MYO1E: variants seen among roughly 807,000 people sequenced by gnomAD.
MYO1E encodes the protein unconventional myosin-Ie.
A neutral mutation model predicts 151.1 loss-of-function variants in MYO1E; 68 were observed. That is an observed-to-expected ratio of 0.45 (90% CI 0.37 to 0.55). The LOEUF is 0.55. Ranked by LOEUF, MYO1E falls within the 20% of genes least tolerant of loss-of-function variation. MYO1E has a pLI of 0.00. For missense variants in MYO1E, 1,363 were observed against 1,389.3 expected, an observed-to-expected ratio of 0.98 and a Z score of 0.30; for synonymous variants, 601 against 501.7, an observed-to-expected ratio of 1.20 and a Z score of -2.64.
At chr15:59,149,531 C>T (rs368140104) in intron 26 of MYO1E, among the ~76,000 whole-genome samples, 3 of 152,202 alleles carry the variant, frequency 2.0e-5, no homozygotes, top group African/African-American at 7.2e-5. Flanking sequence ...CTACCATGTG[C>T]ACCAATACTG....
At chr15:59,201,590 G>T (rs867288306) in intron 16 of MYO1E, among the ~76,000 whole-genome samples, 1 of 152,038 alleles carries the variant, frequency 6.6e-6, no homozygotes, top group Non-Finnish European at 1.5e-5. Flanking sequence ...TTTTAGTAGA[G>T]ACAGGGTTTC....
At chr15:59,256,098 A>C (rs1261381484) in intron 4 of MYO1E, among the ~76,000 whole-genome samples, 186 bp downstream of exon 4, 1 of 152,216 alleles carries the variant, frequency 6.6e-6, no homozygotes, top group Non-Finnish European at 1.5e-5. Context: ...GTTTTATGAT[A>C]TGGAGCTCTA....
chr15:59,206,894 C>G (rs1433719939), intron 14 of MYO1E: 1 of 1,568,998 alleles, frequency 6.4e-7, no homozygotes, highest in South Asian at 1.2e-5. Context: ...ACGTTCGGAT[C>G]AGCAGCTTTT....
Position 59,319,550 on chromosome 15 carries a change from CTTTTTTTTTTTT to C in MYO1E, c.4-47113_4-47102del, listed in dbSNP as rs59491381. 6.3e-4 allele frequency among the ~76,000 whole-genome samples: 40 copies of C among 63,724 alleles called. 1 individual carries two copies. The highest frequency in any genetic ancestry group is 1.2e-3 in the African/African-American group (28 of 22,412). The allele number at this position is 63,724 out of a possible 152,430, so 41.8% of individuals were successfully genotyped here. A position where few individuals can be genotyped will look rare whatever the true frequency, so the allele number is the denominator to read the frequency against. ...AAGATAGGAAAAGAAGTCAAACTACCTTTTTTTTTTTTTTTTTTTTTTTTTTTTTTTGGCTGA... is the reference window on the plus strand; with the variant it reads ...AAGATAGGAAAAGAAGTCAAACTACCTTTTTTTTTTTTTTTTTTTGGCTGA... On this transcript the variant is annotated intron_variant, in intron 1 of 27. Coordinates refer to ENST00000288235, the MANE Select transcript of MYO1E (RefSeq NM_004998.4).
At chr15:59,353,242 A>G (rs566046818) in intron 1 of MYO1E, among the ~76,000 whole-genome samples, 1 of 151,884 alleles carries the variant, frequency 6.6e-6, no homozygotes, top group South Asian at 2.1e-4. Context: ...CTGTAGTCCC[A>G]GCTACTTGGG....
At chr15:59,221,520 T>C (rs1173270929) in intron 9 of MYO1E, among the ~76,000 whole-genome samples, 1 of 152,168 alleles carries the variant, frequency 6.6e-6, no homozygotes, top group Non-Finnish European at 1.5e-5. Flanking sequence ...TTTCACTGCA[T>C]ACCCCCTCAA....
At chr15:59,364,059 T>G (rs1294533828) in intron 1 of MYO1E, among the ~76,000 whole-genome samples, 1 of 152,196 alleles carries the variant, frequency 6.6e-6, no homozygotes, top group Non-Finnish European at 1.5e-5. Flanking sequence ...ATAACAGGCC[T>G]GAGCCACCAT....
intron 2 of MYO1E, among the ~76,000 whole-genome samples, chr15:59,270,133 C>T (rs1360633386): frequency 2.0e-5 from 3 of 152,026 alleles, no homozygotes; most frequent in Non-Finnish European, 4.4e-5. Flanking sequence ...TAAATAATAA[C>T]GTAATGTATA....
intron 1 of MYO1E, among the ~76,000 whole-genome samples, chr15:59,341,626 TTAACA>T (rs768424647): frequency 1.3e-5 from 2 of 152,230 alleles, no homozygotes; most frequent in Non-Finnish European, 2.9e-5. Flanking sequence ...CTTATTTCAC[TTAACA>T]TAATGACCTC....
intron 18 of MYO1E, among the ~76,000 whole-genome samples, chr15:59,186,623 T>C (rs1403663663): frequency 6.6e-5 from 10 of 152,156 alleles, no homozygotes; most frequent in Admixed American, 6.6e-4. Context: ...TGGTGATGCA[T>C]GCCTGTAGTA....
In MYO1E at chr15:59,205,489, G is replaced by A; in HGVS notation, c.1531-4C>T. 2 of 1,611,192 alleles carry A rather than the reference G, an allele frequency of 1.2e-6. No individual in the cohort carries two copies. The highest frequency in any genetic ancestry group is 1.1e-5 in the South Asian group (1 of 91,028). On this transcript the variant is annotated splice_polypyrimidine_tract_variant and splice_region_variant and intron_variant, in intron 14 of 27. Coordinates refer to ENST00000288235, the MANE Select transcript of MYO1E (RefSeq NM_004998.4). Reference sequence around the variant, plus strand: ...AGCCATCCATGTCATAGGATACCTGGCCAAGAATGGAAAGAAATCGAATTT... The same window carrying A: ...AGCCATCCATGTCATAGGATACCTGACCAAGAATGGAAAGAAATCGAATTT...
At chr15:59,207,764 A>C in intron 14 of MYO1E, 1 of 1,614,222 alleles carries the variant, frequency 6.2e-7, no homozygotes, top group African/African-American at 1.3e-5. Flanking sequence ...GATCCTGAGC[A>C]ATGGAAAAAT....
intron 22 of MYO1E, among the ~76,000 whole-genome samples, 181 bp from the exon 23 acceptor site, chr15:59,163,484 G>A (rs796654686): frequency 2.0e-4 from 30 of 151,910 alleles, no homozygotes; most frequent in African/African-American, 5.6e-4. Context: ...TGAAATTGCT[G>A]AAATCTGCTT....
intron 18 of MYO1E, among the ~76,000 whole-genome samples, chr15:59,184,376 A>C (rs537837287): frequency 6.6e-6 from 1 of 151,466 alleles, no homozygotes; most frequent in East Asian, 1.9e-4. Context: ...CTTTTTTTTG[A>C]GACACAGTCT....
intron 7 of MYO1E, among the ~76,000 whole-genome samples, chr15:59,225,615 T>C (rs1034774434): frequency 2.6e-5 from 4 of 151,746 alleles, no homozygotes; most frequent in African/African-American, 7.3e-5. Flanking sequence ...AAGTATTTCG[T>C]AGCTTCAAGA....
chr15:59,176,141 C>T (rs541933338), intron 19 of MYO1E, among the ~76,000 whole-genome samples: 2 of 152,200 alleles, frequency 1.3e-5, no homozygotes, highest in African/African-American at 4.8e-5. Context: ...CCACTGCAAG[C>T]TCTGCCTCCT....
chr15:59,342,092 TC>T (rs1325959689), intron 1 of MYO1E, among the ~76,000 whole-genome samples: 7 of 152,368 alleles, frequency 4.6e-5, no homozygotes, highest in Non-Finnish European at 8.8e-5. Context: ...AGATGATACC[TC>T]ATTGTAGTTT....
chr15:59,271,686 A>G (rs554730331), intron 2 of MYO1E, among the ~76,000 whole-genome samples: 2 of 152,372 alleles, frequency 1.3e-5, no homozygotes, highest in South Asian at 4.1e-4. Context: ...AGCATTTTCA[A>G]TAGTCCATCT....
intron 1 of MYO1E, among the ~76,000 whole-genome samples, chr15:59,324,708 T>C (rs559879676): frequency 2.7e-5 from 4 of 150,088 alleles, no homozygotes; most frequent in African/African-American, 7.4e-5. Context: ...CTGAGAATTA[T>C]TGGTTGGATG....
Sources: allele counts gnomAD v4.1 joint callset (sites outside exome capture counted in the v4.1 genomes callset), GRCh38; gene constraint gnomAD v4.1.1; transcripts MANE v1.5; gene names NCBI Gene and HGNC (gene_info 2026-07-23, HGNC 2026-07-21).